The following ZNF475 variants were observed in gnomAD, a reference collection of about 807,000 sequenced individuals.
ZNF475 encodes zinc finger protein 475.
At chr5:122,163,889 T>C in the ZNF475 span, among the ~76,000 whole-genome samples, 2 of 152,208 alleles carry the variant, frequency 1.3e-5, no homozygotes, top group Admixed American at 1.3e-4. Context: ...TCTGTTGTAA[T>C]TGTTATCATG....
At chr5:122,160,176 A>C in the ZNF475 span, 1 of 1,271,846 alleles carries the variant, frequency 7.9e-7, no homozygotes, top group Non-Finnish European at 1.0e-6. Flanking sequence ...TCATTTCTTC[A>C]TCTTTCCTTG....
chr5:122,171,113 T>C, the ZNF475 span, among the ~76,000 whole-genome samples: 1 of 152,070 alleles, frequency 6.6e-6, no homozygotes, highest in African/African-American at 2.4e-5. Flanking sequence ...TAGTTTGTTA[T>C]AATATTAAAC....
chr5:122,173,930 T>C, the ZNF475 span, among the ~76,000 whole-genome samples: 7 of 152,238 alleles, frequency 4.6e-5, no homozygotes, highest in Non-Finnish European at 7.3e-5. Flanking sequence ...GGGAAAACTG[T>C]TGATCTAATT....
chr5:122,163,872 G>A, the ZNF475 span, among the ~76,000 whole-genome samples: 1 of 152,100 alleles, frequency 6.6e-6, no homozygotes, highest in Non-Finnish European at 1.5e-5. Context: ...CAAGCCTCTT[G>A]TCAAGTTCTG....
the ZNF475 span, among the ~76,000 whole-genome samples, chr5:122,171,982 C>G: frequency 6.6e-6 from 1 of 152,152 alleles, no homozygotes; most frequent in South Asian, 2.1e-4. Context: ...TCGGCTCAAG[C>G]AATCTACCTG....
the ZNF475 span, among the ~76,000 whole-genome samples, chr5:122,175,001 G>C: frequency 2.0e-5 from 3 of 151,942 alleles, no homozygotes; most frequent in Admixed American, 1.3e-4. Context: ...CTTTTGAATT[G>C]TTAGAACCTA....
chr5:122,175,022 A>G, the ZNF475 span, among the ~76,000 whole-genome samples: 3 of 152,198 alleles, frequency 2.0e-5, no homozygotes, highest in African/African-American at 7.2e-5. Flanking sequence ...CCATATGGCT[A>G]AGAAAAAGAA....
At chr5:122,172,051 A>G in the ZNF475 span, among the ~76,000 whole-genome samples, 2 of 152,074 alleles carry the variant, frequency 1.3e-5, no homozygotes, top group East Asian at 1.9e-4. Flanking sequence ...AGCCTCTACA[A>G]TTTCTATAGT....
the ZNF475 span, among the ~76,000 whole-genome samples, chr5:122,168,517 C>A: frequency 2.0e-5 from 3 of 152,108 alleles, no homozygotes; most frequent in Non-Finnish European, 4.4e-5. Context: ...GAGACCATCC[C>A]CTGGCTAACA....
At chr5:122,171,881 G>C in the ZNF475 span, among the ~76,000 whole-genome samples, 1 of 152,026 alleles carries the variant, frequency 6.6e-6, no homozygotes, top group Non-Finnish European at 1.5e-5. Flanking sequence ...GAGAACTATA[G>C]GCACGTGCTA....
At chr5:122,176,495 C>G in the ZNF475 span, among the ~76,000 whole-genome samples, 1 of 152,132 alleles carries the variant, frequency 6.6e-6, no homozygotes, top group African/African-American at 2.4e-5. Context: ...CTGTGCAAGT[C>G]TTTTGTACAG....
the ZNF475 span, among the ~76,000 whole-genome samples, chr5:122,162,789 T>C: frequency 2.6e-5 from 4 of 152,316 alleles, no homozygotes; most frequent in South Asian, 4.1e-4. Context: ...ACTGTTTGCA[T>C]TCTGAAAACC....
At chr5:122,160,315 G>A in the ZNF475 span, 5 of 1,265,340 alleles carry the variant, frequency 4.0e-6, no homozygotes, top group South Asian at 1.2e-5. Context: ...CAACCCAAGG[G>A]AATTTGTGTA....
the ZNF475 span, among the ~76,000 whole-genome samples, chr5:122,166,786 C>G: frequency 6.6e-6 from 1 of 152,202 alleles, no homozygotes; most frequent in African/African-American, 2.4e-5. Flanking sequence ...GTGAATAGTG[C>G]TGCAATAAAC....
the ZNF475 span, among the ~76,000 whole-genome samples, chr5:122,165,801 A>T: frequency 6.6e-6 from 1 of 152,236 alleles, no homozygotes; most frequent in Non-Finnish European, 1.5e-5. Flanking sequence ...TGCATTTAAA[A>T]AAATATTTCC....
chr5:122,169,374 T>C, the ZNF475 span, among the ~76,000 whole-genome samples: 34 of 152,282 alleles, frequency 2.2e-4, no homozygotes, highest in African/African-American at 7.5e-4. Context: ...ATTAATAGTT[T>C]ATATGTTTGC....
chr5:122,163,974 A>G, the ZNF475 span, among the ~76,000 whole-genome samples: 1 of 151,238 alleles, frequency 6.6e-6, no homozygotes, highest in African/African-American at 2.4e-5. Flanking sequence ...TCTCTAAAAT[A>G]CCTCTCCTAC....
the ZNF475 span, among the ~76,000 whole-genome samples, chr5:122,167,237 G>A: frequency 6.6e-6 from 1 of 152,148 alleles, no homozygotes; most frequent in African/African-American, 2.4e-5. Context: ...ATTCATCTCT[G>A]GCTGCAGGGC....
chr5:122,168,472 A>G, the ZNF475 span, among the ~76,000 whole-genome samples: 1 of 152,224 alleles, frequency 6.6e-6, no homozygotes, highest in Admixed American at 6.5e-5. Flanking sequence ...GCACTTTGTG[A>G]GGCCAAGGTG....
Sources: allele counts gnomAD v4.1 joint callset (sites outside exome capture counted in the v4.1 genomes callset), GRCh38; gene constraint gnomAD v4.1.1; transcripts MANE v1.5; gene names NCBI Gene and HGNC (gene_info 2026-07-23, HGNC 2026-07-21).